Variants in RIMS2 observed in about 807,000 individuals in gnomAD.
The protein encoded by RIMS2 is regulating synaptic membrane exocytosis 2.
A neutral mutation model predicts 174.4 loss-of-function variants in RIMS2; 59 were observed. That is an observed-to-expected ratio of 0.34 (90% CI 0.27 to 0.42). RIMS2 has a LOEUF of 0.42. Among genes scored for constraint, RIMS2 ranks in the 10% least tolerant of loss-of-function variants. RIMS2 has a pLI of 1.00. For missense variants in RIMS2, 1,620 were observed against 1,666.3 expected, an observed-to-expected ratio of 0.97 and a Z score of 0.48; for synonymous variants, 606 against 572.5, an observed-to-expected ratio of 1.06 and a Z score of -0.84.
intron 3 of RIMS2, among the ~76,000 whole-genome samples, chr8:103,871,376 A>C (rs1344841113): frequency 6.6e-6 from 1 of 152,256 alleles, no homozygotes; most frequent in East Asian, 1.9e-4. Flanking sequence ...CCTGAGTGAC[A>C]GAGCAAGACT....
chr8:103,747,747 T>G (rs2097840733), intron 2 of RIMS2, among the ~76,000 whole-genome samples: 2 of 152,166 alleles, frequency 1.3e-5, no homozygotes, highest in Admixed American at 6.5e-5. Flanking sequence ...AATGGTAAGT[T>G]GCCATTAACT....
At chr8:103,747,001 G>C (rs2097827010) in intron 2 of RIMS2, among the ~76,000 whole-genome samples, 1 of 151,648 alleles carries the variant, frequency 6.6e-6, no homozygotes, top group Admixed American at 6.6e-5. Context: ...TTGGTTTTCT[G>C]TTCCTGTGTT....
At chr8:103,732,381 C>T (rs774592759) in intron 2 of RIMS2, among the ~76,000 whole-genome samples, 10 of 152,310 alleles carry the variant, frequency 6.6e-5, no homozygotes, top group Non-Finnish European at 1.5e-4. Flanking sequence ...TGTGACTGTG[C>T]TACGTCAGAT....
intron 19 of RIMS2, among the ~76,000 whole-genome samples, chr8:104,208,577 GA>G (rs35821957): frequency 0.57 from 84,568 of 147,296 alleles, 23,993 homozygotes; most frequent in East Asian, 0.65. Context: ...CAAAAAAAAA[GA>G]AAAAAAAAAA....
chr8:104,079,132 G>T lies in RIMS2; in HGVS notation c.3334+64517G>T, dbSNP rs2097356808. ...TTTGAGATGACAAAAACAGCAACTTGTATATTATAGAACACTGTAGAATTA... is the reference window on the plus strand; with the variant it reads ...TTTGAGATGACAAAAACAGCAACTTTTATATTATAGAACACTGTAGAATTA... On this transcript the variant is annotated intron_variant, in intron 19 of 23. Transcript: ENST00000504942. Among the ~76,000 whole-genome samples the T allele has an allele frequency of 3.9e-5, 6 of 152,010 alleles. No individual in the cohort carries two copies. The South Asian group carries it at 1.2e-3, about 32-fold the overall frequency.
At chr8:103,855,034 G>A (rs778622690) in intron 3 of RIMS2, among the ~76,000 whole-genome samples, 1 of 151,930 alleles carries the variant, frequency 6.6e-6, no homozygotes, top group African/African-American at 2.4e-5. Flanking sequence ...TGCAATTTCA[G>A]AGCTCAATAT....
At chr8:104,119,381 A>AT (rs2098336938) in intron 19 of RIMS2, among the ~76,000 whole-genome samples, 1 of 151,882 alleles carries the variant, frequency 6.6e-6, no homozygotes, top group African/African-American at 2.4e-5. Flanking sequence ...AAACAAAAAA[A>AT]ACCCATAATT....
chr8:104,093,703 C>T (rs767794507), intron 19 of RIMS2, 60 bp downstream of exon 24: 39 of 1,290,740 alleles, frequency 3.0e-5, no homozygotes, highest in Middle Eastern at 1.9e-4. Context: ...TTATGTTTCC[C>T]GGATGAACAT....
At chr8:104,173,689 T>G (rs1485811207) in intron 19 of RIMS2, among the ~76,000 whole-genome samples, 1 of 121,090 alleles carries the variant, frequency 8.3e-6, no homozygotes, top group African/African-American at 3.2e-5. Flanking sequence ...AGTGCAGTGG[T>G]GCGATCCTGG....
chr8:103,943,078 A>G (rs2082912903), intron 14 of RIMS2, 152 bp downstream of exon 16: 1 of 610,782 alleles, frequency 1.6e-6, no homozygotes, highest in Non-Finnish European at 2.8e-6. Flanking sequence ...CAATTGTTTG[A>G]AGCTTTTGAA....
intron 14 of RIMS2, among the ~76,000 whole-genome samples, chr8:103,954,829 A>C (rs1680520883): frequency 6.6e-6 from 1 of 152,132 alleles, no homozygotes; most frequent in Non-Finnish European, 1.5e-5. Flanking sequence ...GTTTTTTGAA[A>C]AGACAAACAA....
At chr8:103,778,148 A>G (rs1054337041) in intron 3 of RIMS2, among the ~76,000 whole-genome samples, 1 of 152,058 alleles carries the variant, frequency 6.6e-6, no homozygotes, top group African/African-American at 2.4e-5. Flanking sequence ...GATGTATAAT[A>G]CATATACATA....
chr8:104,250,834 C>A (rs2099356602), intron 22 of RIMS2, among the ~76,000 whole-genome samples, 190 bp from the exon 29 acceptor site: 1 of 152,168 alleles, frequency 6.6e-6, no homozygotes, highest in Non-Finnish European at 1.5e-5. Context: ...ATGTCAGCAT[C>A]CCCTAAAACT....
intron 14 of RIMS2, among the ~76,000 whole-genome samples, chr8:103,943,828 G>C (rs1162167352): frequency 6.6e-6 from 1 of 152,112 alleles, no homozygotes; most frequent in Non-Finnish European, 1.5e-5. Flanking sequence ...ATTTTGTCAA[G>C]TGCTGCAGGA....
intron 3 of RIMS2, among the ~76,000 whole-genome samples, chr8:103,876,864 TTATATATATATATATATATATATA>T (rs199997824): frequency 4.7e-4 from 32 of 68,102 alleles, no homozygotes; most frequent in South Asian, 1.3e-3. Context: ...ACACACTATT[TTATATATATATATATATATATATA>T]TATATATATA....
exon 21 of RIMS2, chr8:104,248,715 G>A (rs1475645821): frequency 1.2e-6 from 2 of 1,602,332 alleles, no homozygotes; most frequent in South Asian, 1.1e-5. Context: ...ATTTTCCCTG[G>A]TGTTCGCTTG....
At chr8:103,535,028 C>T (rs1839145236) in intron 1 of RIMS2, among the ~76,000 whole-genome samples, 1 of 152,072 alleles carries the variant, frequency 6.6e-6, no homozygotes, top group Non-Finnish European at 1.5e-5. Context: ...TGAAAATATC[C>T]AGTTTACTGT....
intron 2 of RIMS2, among the ~76,000 whole-genome samples, chr8:103,736,140 A>G (rs1381594158): frequency 1.3e-5 from 2 of 152,288 alleles, no homozygotes; most frequent in South Asian, 2.1e-4. Context: ...TTTAATAGCC[A>G]TAGTAATTTT....
intron 3 of RIMS2, among the ~76,000 whole-genome samples, chr8:103,797,865 A>G (rs3104250): frequency 0.88 from 134,438 of 152,128 alleles, 59,752 homozygotes; most frequent in East Asian, 1. Context: ...TGTCACTGCC[A>G]GTCCTGGCTC....
Sources: gnomAD v4.1 joint callset for allele counts (sites outside exome capture counted in the v4.1 genomes callset) on GRCh38, gnomAD v4.1.1 for gene constraint, MANE v1.5 for transcripts, NCBI Gene and HGNC (gene_info 2026-07-23, HGNC 2026-07-21) for gene names.